TTN: variants seen among roughly 807,000 people sequenced by gnomAD.
The protein encoded by TTN is connectin.
A neutral mutation model predicts 3,223.0 loss-of-function variants in TTN; 1,525 were observed. The ratio of observed to expected loss-of-function variants is 0.47; its 90% CI spans 0.45 to 0.49. TTN has a LOEUF of 0.49. Among genes scored for constraint, TTN ranks in the 20% least tolerant of loss-of-function variants. TTN has a pLI of 0.00. For missense variants in TTN, 40,786 were observed against 43,424.0 expected, an observed-to-expected ratio of 0.94 and a Z score of 5.40; for synonymous variants, 14,094 against 15,161.0, an observed-to-expected ratio of 0.93 and a Z score of 5.17.
intron 43 of TTN, among the ~76,000 whole-genome samples, chr2:178,759,834 A>T (rs1574423055): frequency 6.6e-6 from 1 of 152,224 alleles, no homozygotes; most frequent in East Asian, 1.9e-4. Context: ...CTCTTTTCAG[A>T]GTGGCAGTTA....
chr2:178,598,573 T>C lies in TTN; in HGVS notation c.57044A>G (p.Asp19015Gly). Reference sequence around the variant, plus strand: ...GTATCCAGTTACTTTGGATCCACCATCTTTTAGTGGGGGAGACCACTCCAG... The same window carrying C: ...GTATCCAGTTACTTTGGATCCACCACCTTTTAGTGGGGGAGACCACTCCAG... ...ADLEWSPPLK[D>G]GGSKVTGYIV... is the part of the protein sequence containing the mutation. Residue 19015 changes from aspartate (D) to glycine (G), a missense_variant, in exon 292 of 363, where the codon GAT (aspartate) becomes GGT (glycine). By Grantham distance (94) the Asp-to-Gly change is moderately conservative. Transcript: ENST00000589042. 1 of 1,608,078 alleles carries C rather than the reference T, an allele frequency of 6.2e-7. No individual in the cohort carries two copies.
rs750591986 is a variant in TTN, at chr2:178,558,458, C to T, written c.87001G>A (p.Val29001Ile). The stretch of plus-strand genomic sequence containing the variant: ...GAATTCTCTCTCAGACCGGAAACAA[C>T]GTGATGGGTTGACTTTGCCACTGCA... ...KCAVAKSTHH[V>I]VSGLRENSEY... Residue 29001 changes from valine (V) to isoleucine (I), a missense_variant, in exon 327 of 363, where the codon GTT becomes ATT. By Grantham distance (29) the Val-to-Ile change is conservative. Coordinates refer to ENST00000589042, the MANE Select transcript of TTN (RefSeq NM_001267550.2). The T allele has an allele frequency of 1.1e-5, 18 of 1,613,670 alleles. No homozygotes were observed. The highest frequency in any genetic ancestry group is 3.3e-5 in the Admixed American group (2 of 59,966).
intron 143 of TTN, 58 bp from the exon 144 acceptor site, chr2:178,678,555 C>A: frequency 7.3e-7 from 1 of 1,378,592 alleles, no homozygotes; most frequent in Non-Finnish European, 9.8e-7. Flanking sequence ...TGATTCCAAG[C>A]ATAGTTTCAA....
At position 178,766,562 on chromosome 2, in the gene TTN, A is replaced by G. The variant is rs765763326; in HGVS notation, c.9522T>C (p.Asp3174=). Residue 3174 remains aspartate, a synonymous_variant, in exon 41 of 363, where the codon GAT becomes GAC. Transcript: ENST00000589042. ...AVVEFEVNED[D]VDAHWYKDGI... is the part of the protein sequence containing the mutation. ...CATCTTTATACCAGTGGGCATCAACATCGTCTTCATTGACCTCAAATTCAA... is the reference window on the plus strand; with the variant it reads ...CATCTTTATACCAGTGGGCATCAACGTCGTCTTCATTGACCTCAAATTCAA... The G allele has an allele frequency of 7.4e-6, 12 of 1,613,962 alleles. No individual in the cohort carries two copies. The Middle Eastern group carries it at 8.2e-4, about 111-fold the overall frequency.
chr2:178,610,320 T>C lies in TTN; in HGVS notation c.51206A>G (p.Glu17069Gly). 1 of 1,612,902 alleles carries C rather than the reference T, an allele frequency of 6.2e-7. No individual in the cohort carries two copies. ...GGTTCCACCATCAAATTCTGGAGGTTCCCAAGTTAACTTACAAGAACTCTT... is the reference window on the plus strand; with the variant it reads ...GGTTCCACCATCAAATTCTGGAGGTCCCCAAGTTAACTTACAAGAACTCTT... ...ITKSSCKLTW[E>G]PPEFDGGTPI... The change falls in exon 271 of 363, where the codon GAA (glutamate) becomes GGA (glycine). Residue 17069 changes from glutamate to glycine, a missense_variant. Coordinates refer to ENST00000589042, the MANE Select transcript of TTN (RefSeq NM_001267550.2).
Position 178,731,836 on chromosome 2 carries a change from C to A in TTN, c.17039G>T (p.Gly5680Val). Residue 5680 changes from glycine to valine, a missense_variant, in exon 58 of 363, where the codon GGT becomes GTT. Gly to Val is a moderately radical substitution (Grantham distance 109, BLOSUM62 -3). Coordinates refer to ENST00000589042, the MANE Select transcript of TTN (RefSeq NM_001267550.2). ...CTGAATGAAAGTCTTATACTTTCTACCACTTCGCAGGATTGTGTTATCTTT... is the reference window on the plus strand; with the variant it reads ...CTGAATGAAAGTCTTATACTTTCTAACACTTCGCAGGATTGTGTTATCTTT... ...WFKDNTILRS[G>V]RKYKTFIQDH... 1 of 1,613,800 alleles carries A rather than the reference C, an allele frequency of 6.2e-7. No homozygotes were observed. Among genetic ancestry groups the A allele is most frequent in the Non-Finnish European group, 8.5e-7 (1 of 1,179,764 alleles).
chr2:178,675,274 A>G, intron 149 of TTN, 161 bp from the exon 150 acceptor site: 1 of 489,550 alleles, frequency 2.0e-6, no homozygotes, highest in Non-Finnish European at 3.5e-6. Context: ...AAAAGAATAA[A>G]AAGGTTTGTG....
intron 350 of TTN, chr2:178,541,081 G>T: frequency 4.8e-6 from 2 of 420,884 alleles, no homozygotes; most frequent in East Asian, 3.6e-5. Flanking sequence ...ATCGCTAGCA[G>T]CTGGGGTGGG....
Position 178,772,302 on chromosome 2 carries a change from A to G in TTN, c.7855+807T>C, listed in dbSNP as rs1232710964. On this transcript the variant is annotated intron_variant, in intron 33 of 362. Coordinates refer to ENST00000589042, the MANE Select transcript of TTN (RefSeq NM_001267550.2). ...AACGTAAGTAAGTATAAACCATGAA[A>G]CTTTCATACCAAATAAGACAAATCA... Among the ~76,000 whole-genome samples the G allele has an allele frequency of 5.9e-4, 90 of 152,314 alleles. 1 individual carries two copies. Among genetic ancestry groups the G allele is most frequent in the Non-Finnish European group, 1.5e-5 (1 of 68,016 alleles).
intron 246 of TTN, 42 bp downstream of exon 246, chr2:178,621,060 A>C: frequency 6.2e-7 from 1 of 1,606,300 alleles, no homozygotes; most frequent in Non-Finnish European, 8.5e-7. Context: ...AATACAAAAC[A>C]AACAAACAAA....
rs368270588 is a variant in TTN at position 178,567,358 on chromosome 2, T to C, written c.78774A>G (p.Arg26258=). 6.0e-5 allele frequency: 95 copies of C among 1,595,482 alleles called. No homozygotes were observed. Among genetic ancestry groups the C allele is most frequent in the Non-Finnish European group, 7.8e-5 (92 of 1,173,342 alleles). The change falls in exon 326 of 363, where the codon AGA becomes AGG. Residue 26258 remains arginine (R), a synonymous_variant. Transcript: ENST00000589042. ...KALLIVKDAI[R]IDGGQYILRA... is the part of the protein sequence containing the mutation. ...TTAAAATATACTGCCCACCATCAATTCTAATTGCATCTTTTACAATAAGTA... is the reference window on the plus strand; with the variant it reads ...TTAAAATATACTGCCCACCATCAATCCTAATTGCATCTTTTACAATAAGTA...
Position 178,777,265 on chromosome 2 carries a change from A to G in TTN, c.4698T>C (p.Asn1566=). The change falls in exon 27 of 363, where the codon AAT becomes AAC. Residue 1566 remains asparagine (N), a synonymous_variant. Coordinates refer to ENST00000589042, the MANE Select transcript of TTN (RefSeq NM_001267550.2). The part of the protein sequence containing the change: ...PMFVEKLKNV[N]IKEGSRLEMK... ...TTTCAAGTCGGGAACCTTCCTTTAT[A>G]TTGACATTTTTCAGTTTTTCTACAA... 6.2e-7 allele frequency: 1 copy of G among 1,614,036 alleles called. No individual in the cohort carries two copies. The highest frequency in any genetic ancestry group is 8.5e-7 in the Non-Finnish European group (1 of 1,179,954).
chr2:178,624,381 G>A, intron 242 of TTN, 84 bp downstream of exon 242: 1 of 1,564,582 alleles, frequency 6.4e-7, no homozygotes, highest in Admixed American at 1.8e-5. Flanking sequence ...GCCAAGAAGG[G>A]CATGCAAAAA....
chr2:178,633,125 C>CT (rs2060007865), intron 233 of TTN, 62 bp downstream of exon 233: 5 of 1,598,030 alleles, frequency 3.1e-6, no homozygotes, highest in Admixed American at 1.7e-5. Flanking sequence ...TATTTTATGC[C>CT]TTTTTTCACC....
Position 178,782,349 on chromosome 2 carries a change from C to A in TTN, c.3243G>T (p.Ala1081=), listed in dbSNP as rs559501661. 1.9e-6 allele frequency: 3 copies of A among 1,614,076 alleles called. No homozygotes were observed. In the Admixed American group the frequency reaches 5.0e-5, roughly 27 times the overall value. The change falls in exon 20 of 363, where the codon GCG becomes GCT. Residue 1081 remains alanine, a synonymous_variant. Transcript: ENST00000589042. ...EEQAGPGEPA[A]PYFITKPVVQ... is the part of the protein sequence containing the mutation. ...CCACTGGTTTTGTAATAAAGTAAGG[C>A]GCGGCAGGTTCTCCAGGCCCTGCTT...
Position 178,654,265 on chromosome 2 carries a change from G to A in TTN, c.38323C>T (p.Leu12775Phe), listed in dbSNP as rs186232617. ...ACAGCCACAGATACTTTCTTTTCAA[G>A]TACAACTTCTTTAGGAGCTTCAGGA... ...KVPEAPKEVV[L>F]EKKVSVAVPK... Residue 12775 changes from leucine to phenylalanine, a missense_variant, in exon 193 of 363, where the codon CTT becomes TTT. Leu to Phe is a conservative substitution (Grantham distance 22). Transcript: ENST00000589042. 1,352 of 1,599,628 alleles carry A rather than the reference G, an allele frequency of 8.5e-4. 61 individuals carry two copies. The African/African-American group carries it at 0.017, about 20-fold the overall frequency.
Position 178,739,723 on chromosome 2 carries a change from G to T in TTN, c.13510C>A (p.Gln4504Lys), listed in dbSNP as rs761901186. The change falls in exon 48 of 363, where the codon CAA becomes AAA. Residue 4504 changes from glutamine to lysine, a missense_variant. Transcript: ENST00000589042. ...CCTGAAAAAGAATCCATTTCTTCTTGCAAACTTGTTTTGGCTCCTTGCTGA... is the reference window on the plus strand; with the variant it reads ...CCTGAAAAAGAATCCATTTCTTCTTTCAAACTTGTTTTGGCTCCTTGCTGA... The part of the protein sequence containing the change: ...RIQQGAKTSL[Q>K]EEMDSFSGSQ... 3.7e-5 allele frequency: 60 copies of T among 1,613,754 alleles called. No individual in the cohort carries two copies. The highest frequency in any genetic ancestry group is 4.7e-5 in the Non-Finnish European group (55 of 1,179,844).
chr2:178,713,806 C>A, intron 92 of TTN, 91 bp downstream of exon 92: 1 of 1,465,826 alleles, frequency 6.8e-7, no homozygotes, highest in East Asian at 2.4e-5. Context: ...TCATGTTATC[C>A]TATAGAAGAT....
rs35647804 is a variant in TTN, at chr2:178,601,095, C to CG, written c.55808dup (p.Lys18604GlufsTer3). ...TAACAGGGGAGCCCCCATCATTCTT[C>CG]GGGGGTTTCCATGACAGATGCACTG... On this transcript the variant is annotated frameshift_variant, in exon 288 of 363. Coordinates refer to ENST00000589042, the MANE Select transcript of TTN (RefSeq NM_001267550.2). LOFTEE classifies it high-confidence loss of function. 1 of 1,603,154 alleles carries CG rather than the reference C, an allele frequency of 6.2e-7. No individual in the cohort carries two copies.
Sources: gnomAD v4.1 joint callset for allele counts (sites outside exome capture counted in the v4.1 genomes callset) on GRCh38, gnomAD v4.1.1 for gene constraint, MANE v1.5 for transcripts, NCBI Gene and HGNC (gene_info 2026-07-23, HGNC 2026-07-21) for gene names.